SLC36A1: variants seen among roughly 807,000 people sequenced by gnomAD.
SLC36A1 encodes the protein solute carrier family 36 member 1.
SLC36A1 carries 30 observed loss-of-function variants against 47.5 expected under a neutral mutation model. The ratio of observed to expected loss-of-function variants is 0.63; its 90% CI spans 0.47 to 0.86. The LOEUF is 0.86. Among genes scored for constraint, SLC36A1 ranks in the 40% least tolerant of loss-of-function variants. SLC36A1 has a pLI of 0.00. For missense variants in SLC36A1, 517 were observed against 606.0 expected, an observed-to-expected ratio of 0.85 and a Z score of 1.54; for synonymous variants, 255 against 249.7, an observed-to-expected ratio of 1.02 and a Z score of -0.20.
the SLC36A1 span, chr5:151,509,967 C>T: frequency 6.3e-7 from 1 of 1,596,780 alleles, no homozygotes; most frequent in Non-Finnish European, 8.6e-7. Flanking sequence ...GGTCAGAGTA[C>T]AGAGCGCATT....
chr5:151,531,706 G>A, the SLC36A1 span: 7 of 1,613,750 alleles, frequency 4.3e-6, no homozygotes, highest in African/African-American at 5.3e-5. This position sits in a 1 kb window ranked among gnomAD's most constrained non-coding sequence, Gnocchi z 5.7. Flanking sequence ...GCCAGGTGGG[G>A]CGTCCTCGGG....
the SLC36A1 span, among the ~76,000 whole-genome samples, chr5:151,431,575 T>C: frequency 6.6e-6 from 1 of 152,230 alleles, no homozygotes; most frequent in African/African-American, 2.4e-5. Context: ...CGGTGATAGG[T>C]AATTGAATCA....
At chr5:151,545,959 A>AT in the SLC36A1 span, 2 of 1,614,030 alleles carry the variant, frequency 1.2e-6, no homozygotes, top group African/African-American at 1.3e-5. Flanking sequence ...GTAAGACGAG[A>AT]TTTTCTCATG....
At chr5:151,451,101 T>C (rs1406374070) in intron 1 of SLC36A1, 1 of 152,306 alleles carries the variant, frequency 6.6e-6, no homozygotes, top group South Asian at 2.1e-4. Context: ...TAGGCTGAAA[T>C]AGGAACCACA....
chr5:151,357,869 T>G, the SLC36A1 span, among the ~76,000 whole-genome samples: 110 of 152,344 alleles, frequency 7.2e-4, no homozygotes, highest in Non-Finnish European at 1.3e-3. Context: ...TGGCATCTGT[T>G]AAAAGAAAAC....
the SLC36A1 span, chr5:151,527,298 T>A: frequency 6.2e-7 from 1 of 1,613,536 alleles, no homozygotes. Flanking sequence ...ATCAGCCACT[T>A]GGATAGCGAT....
At chr5:151,550,645 G>A in the SLC36A1 span, 26 of 1,614,162 alleles carry the variant, frequency 1.6e-5, no homozygotes, top group Middle Eastern at 8.2e-4. Flanking sequence ...TTTTCCCACC[G>A]TTACCAGGAC....
chr5:151,419,639 ATCC>A, the SLC36A1 span, among the ~76,000 whole-genome samples: 1 of 152,148 alleles, frequency 6.6e-6, no homozygotes, highest in African/African-American at 2.4e-5. Context: ...TCTGGGTCCC[ATCC>A]TCAGAGTTTC....
the SLC36A1 span, chr5:151,512,102 T>A: frequency 6.6e-7 from 1 of 1,507,280 alleles, no homozygotes; most frequent in Non-Finnish European, 9.0e-7. The surrounding 1 kb of genome is among the most constrained non-coding windows in gnomAD (Gnocchi z 4.1). Context: ...CCTGACATGC[T>A]TTTCCCACCT....
At chr5:151,516,221 G>T in the SLC36A1 span, among the ~76,000 whole-genome samples, 4 of 152,150 alleles carry the variant, frequency 2.6e-5, no homozygotes, top group African/African-American at 9.7e-5. Flanking sequence ...TTGTAAAATT[G>T]TAACTCCGGC....
At chr5:151,523,900 G>A in the SLC36A1 span, among the ~76,000 whole-genome samples, 3 of 151,906 alleles carry the variant, frequency 2.0e-5, no homozygotes, top group East Asian at 3.9e-4. Flanking sequence ...CACTACCACC[G>A]AAGTCTTCAT....
At chr5:151,519,606 G>T in the SLC36A1 span, among the ~76,000 whole-genome samples, 1 of 152,162 alleles carries the variant, frequency 6.6e-6, no homozygotes, top group East Asian at 1.9e-4. Context: ...TGGAAGGGGG[G>T]CCCAAGGGAG....
At chr5:151,538,239 G>A in the SLC36A1 span, among the ~76,000 whole-genome samples, 1 of 152,210 alleles carries the variant, frequency 6.6e-6, no homozygotes. Flanking sequence ...GAGAAGTTCT[G>A]TCATCCAAAA....
the SLC36A1 span, chr5:151,544,666 T>C: frequency 6.2e-7 from 1 of 1,614,062 alleles, no homozygotes; most frequent in African/African-American, 1.3e-5. Context: ...TTCCTCACTC[T>C]GGAGGGATGG....
chr5:151,429,528 T>C, the SLC36A1 span, among the ~76,000 whole-genome samples: 106,903 of 151,730 alleles, frequency 0.7, 39,252 homozygotes, highest in African/African-American at 0.92. Flanking sequence ...AGGACATGAA[T>C]TCATCATTTT....
chr5:151,392,119 G>C, the SLC36A1 span, among the ~76,000 whole-genome samples: 1 of 152,120 alleles, frequency 6.6e-6, no homozygotes, highest in African/African-American at 2.4e-5. Context: ...AATCTTCCTG[G>C]TTTAGTATTG....
the SLC36A1 span, among the ~76,000 whole-genome samples, chr5:151,360,303 G>T: frequency 6.6e-6 from 1 of 151,994 alleles, no homozygotes; most frequent in African/African-American, 2.4e-5. Context: ...GTTGATTAAC[G>T]CACACTTTGT....
chr5:151,541,336 A>T, the SLC36A1 span, among the ~76,000 whole-genome samples: 2 of 152,380 alleles, frequency 1.3e-5, no homozygotes, highest in Admixed American at 1.3e-4. Flanking sequence ...CCAAGAATTG[A>T]TAACATGTTG....
At chr5:151,392,068 C>T in the SLC36A1 span, among the ~76,000 whole-genome samples, 1 of 152,096 alleles carries the variant, frequency 6.6e-6, no homozygotes, top group Non-Finnish European at 1.5e-5. Flanking sequence ...TAATTATTGC[C>T]TCAATTTCAG....
Sources: gnomAD v4.1 joint callset for allele counts (sites outside exome capture counted in the v4.1 genomes callset) on GRCh38, gnomAD v4.1.1 for gene constraint, Gnocchi (gnomAD v3.1) non-coding constraint, MANE v1.5 for transcripts, NCBI Gene and HGNC (gene_info 2026-07-23, HGNC 2026-07-21) for gene names.